IGSF10: variants seen among roughly 807,000 people sequenced by gnomAD.
IGSF10 encodes calvaria mechanical force protein 608.
Under a neutral mutation model 128.2 loss-of-function variants are expected in IGSF10, and 126 were observed. That is an observed-to-expected ratio of 0.98 (90% CI 0.85 to 1.14). IGSF10 has a LOEUF of 1.14. IGSF10 is among the 50% of genes most tolerant of loss of function. The pLI, the probability that IGSF10 is intolerant of heterozygous loss-of-function variation, is 0.00. For missense variants in IGSF10, 3,295 were observed against 3,149.8 expected (o/e 1.05, Z -1.10); for synonymous variants, 1,185 against 1,146.2 (o/e 1.03, Z -0.68).
chr3:151,470,432 A>T, the IGSF10 span, among the ~76,000 whole-genome samples: 4 of 152,274 alleles, frequency 2.6e-5, no homozygotes, highest in African/African-American at 9.6e-5. Flanking sequence ...GACTTGCAGG[A>T]TGTTGCAGAT....
At chr3:151,532,892 T>C in the IGSF10 span, among the ~76,000 whole-genome samples, 1 of 152,196 alleles carries the variant, frequency 6.6e-6, no homozygotes, top group East Asian at 1.9e-4. Context: ...TGTCTCTATT[T>C]GCAGATGACA....
chr3:151,483,581 T>C, the IGSF10 span, among the ~76,000 whole-genome samples: 122,871 of 152,056 alleles, frequency 0.81, 49,705 homozygotes, highest in Middle Eastern at 0.91. Flanking sequence ...ACACAGAAGG[T>C]GGATGATTTC....
the IGSF10 span, among the ~76,000 whole-genome samples, chr3:151,510,839 C>T: frequency 7.9e-5 from 12 of 151,056 alleles, no homozygotes; most frequent in Admixed American, 2.0e-4. Context: ...GTAACCGATG[C>T]GATCAACTGG....
the IGSF10 span, among the ~76,000 whole-genome samples, chr3:151,544,734 G>C: frequency 6.8e-6 from 1 of 147,342 alleles, no homozygotes; most frequent in Non-Finnish European, 1.5e-5. Flanking sequence ...AATGCATTGT[G>C]ATGTCCTTTG....
the IGSF10 span, among the ~76,000 whole-genome samples, chr3:151,575,495 G>A: frequency 6.6e-6 from 1 of 152,172 alleles, no homozygotes; most frequent in South Asian, 2.1e-4. Flanking sequence ...TGCACTAGCA[G>A]TGAGCAAGGC....
the IGSF10 span, among the ~76,000 whole-genome samples, chr3:151,496,314 C>T: frequency 1.3e-5 from 2 of 151,296 alleles, no homozygotes; most frequent in Non-Finnish European, 2.9e-5. Context: ...TGTCATTTAA[C>T]ATTAGGTTTA....
At chr3:151,592,215 GATT>G in the IGSF10 span, among the ~76,000 whole-genome samples, 1 of 85,248 alleles carries the variant, frequency 1.2e-5, no homozygotes, top group Admixed American at 1.4e-4. Flanking sequence ...ATTGTTTTGA[GATT>G]AATACACACA....
chr3:151,453,898 T>C, intron 4 of IGSF10, 124 bp from the exon 5 acceptor site: 1 of 565,712 alleles, frequency 1.8e-6, no homozygotes, highest in Non-Finnish European at 3.0e-6. Context: ...CTTCTTAGGA[T>C]CCCAATTCAA....
the IGSF10 span, among the ~76,000 whole-genome samples, chr3:151,486,788 A>G: frequency 6.6e-6 from 1 of 152,238 alleles, no homozygotes; most frequent in Non-Finnish European, 1.5e-5. Flanking sequence ...GAAACCAATA[A>G]GAACAAAGAC....
the IGSF10 span, among the ~76,000 whole-genome samples, chr3:151,588,763 C>G: frequency 6.6e-6 from 1 of 152,150 alleles, no homozygotes; most frequent in African/African-American, 2.4e-5. Flanking sequence ...GGGACACAGA[C>G]AGACTGACCA....
chr3:151,517,960 T>C, the IGSF10 span, among the ~76,000 whole-genome samples: 1 of 151,964 alleles, frequency 6.6e-6, no homozygotes, highest in Non-Finnish European at 1.5e-5. Flanking sequence ...CCCAGAGTTC[T>C]GTTATTTCCT....
At chr3:151,590,215 A>T in the IGSF10 span, among the ~76,000 whole-genome samples, 9 of 152,018 alleles carry the variant, frequency 5.9e-5, no homozygotes, top group Non-Finnish European at 1.0e-4. Flanking sequence ...ATTTTAAAAA[A>T]TTTTTTGTAG....
At chr3:151,567,173 A>G in the IGSF10 span, among the ~76,000 whole-genome samples, 32 of 152,216 alleles carry the variant, frequency 2.1e-4, no homozygotes, top group African/African-American at 3.6e-4. Flanking sequence ...GATTATATGC[A>G]GTTGAGACAA....
chr3:151,496,739 C>T, the IGSF10 span, among the ~76,000 whole-genome samples: 3 of 151,836 alleles, frequency 2.0e-5, no homozygotes, highest in Non-Finnish European at 2.9e-5. Flanking sequence ...TTCTAGATCC[C>T]TGAGGAATTT....
At chr3:151,460,400 T>C in intron 1 of IGSF10, 53 bp from the exon 2 acceptor site, 1 of 581,758 alleles carries the variant, frequency 1.7e-6, no homozygotes, top group Non-Finnish European at 2.2e-6. Flanking sequence ...CTTATTCTTT[T>C]TGGCTTACAG....
chr3:151,536,821 C>T, the IGSF10 span, among the ~76,000 whole-genome samples: 1 of 152,154 alleles, frequency 6.6e-6, no homozygotes, highest in East Asian at 1.9e-4. Context: ...ATCACATTAA[C>T]TATGTGAACT....
chr3:151,443,096 T>G lies in IGSF10; in HGVS notation c.5851A>C (p.Thr1951Pro), dbSNP rs1448733170. The G allele has an allele frequency of 6.2e-7, 1 of 1,614,222 alleles. No individual in the cohort carries two copies. The highest frequency in any genetic ancestry group is 8.5e-7 in the Non-Finnish European group (1 of 1,180,040). ...AATTTGTCCCCAAAATTCACTTCAG[T>G]CCTTTTCTGGGATGCAGCTTCTATC... ...PRIEAASQKR[T>P]EVNFGDKLLL... Residue 1951 changes from threonine to proline, a missense_variant, in exon 7 of 8, where the codon ACT (threonine) becomes CCT (proline). Transcript: ENST00000282466.
At chr3:151,498,389 T>C in the IGSF10 span, among the ~76,000 whole-genome samples, 1 of 151,812 alleles carries the variant, frequency 6.6e-6, no homozygotes, top group Non-Finnish European at 1.5e-5. Context: ...ATATCCCTGA[T>C]GAACATCCAT....
the IGSF10 span, among the ~76,000 whole-genome samples, chr3:151,579,483 A>AT: frequency 6.6e-6 from 1 of 152,112 alleles, no homozygotes; most frequent in Non-Finnish European, 1.5e-5. Context: ...AAATATAGGG[A>AT]TTTTTGTCAG....
Sources: gnomAD v4.1 joint callset for allele counts (sites outside exome capture counted in the v4.1 genomes callset) on GRCh38, gnomAD v4.1.1 for gene constraint, MANE v1.5 for transcripts, NCBI Gene and HGNC (gene_info 2026-07-23, HGNC 2026-07-21) for gene names.